Variants in NHSL1 observed in about 807,000 individuals in gnomAD.
The protein encoded by NHSL1 is NHS-like protein 1.
A neutral mutation model predicts 95.0 loss-of-function variants in NHSL1; 48 were observed. That is an observed-to-expected ratio of 0.51 (90% CI 0.40 to 0.64). The LOEUF (loss-of-function observed/expected upper bound fraction) is 0.64, where lower values mean the gene tolerates loss of function less well. Ranked by LOEUF, NHSL1 falls within the 30% of genes least tolerant of loss-of-function variation. The probability of loss-of-function intolerance (pLI) is 0.00; values close to 1 mark genes in which losing one functional copy is unlikely to be tolerated. For missense variants in NHSL1, 1,971 were observed against 2,077.7 expected, an observed-to-expected ratio of 0.95 and a Z score of 1.00; for synonymous variants, 783 against 833.9, an observed-to-expected ratio of 0.94 and a Z score of 1.05.
intron 1 of NHSL1, among the ~76,000 whole-genome samples, chr6:138,581,411 C>T (rs1017294703): frequency 2.6e-5 from 4 of 152,036 alleles, no homozygotes; most frequent in African/African-American, 9.7e-5. Flanking sequence ...TTTTCACAGG[C>T]CTGAGCGCGG....
At chr6:138,686,082 A>G (rs539457862) in intron 1 of NHSL1, among the ~76,000 whole-genome samples, 5 of 152,346 alleles carry the variant, frequency 3.3e-5, no homozygotes, top group African/African-American at 1.2e-4. Flanking sequence ...GTTAAGAGGA[A>G]TAAGTTCAAG....
Position 138,480,513 on chromosome 6 carries a change from C to T in NHSL1, c.212-7080G>A, listed in dbSNP as rs12662028. ...TTCGGTAGGCCAGTTGTCATTTTTC[C>T]GGTCATGGGTAGTGTTGACGTGTAT... On this transcript the variant is annotated intron_variant, in intron 2 of 7. Coordinates refer to ENST00000343505, the MANE Select transcript of NHSL1 (RefSeq NM_001144060.2). Among the ~76,000 whole-genome samples, 294 of 152,200 alleles carry T rather than the reference C, an allele frequency of 1.9e-3. 1 individual carries two copies. The highest frequency in any genetic ancestry group is 2.8e-3 in the Non-Finnish European group (192 of 67,992).
At chr6:138,533,876 A>T (rs562924342) in intron 1 of NHSL1, among the ~76,000 whole-genome samples, 13 of 152,342 alleles carry the variant, frequency 8.5e-5, no homozygotes, top group Admixed American at 7.2e-4. Flanking sequence ...CCAAGAAGCT[A>T]CATGGGATGC....
intron 1 of NHSL1, among the ~76,000 whole-genome samples, chr6:138,674,205 T>C (rs1785417809): frequency 2.0e-5 from 3 of 152,236 alleles, no homozygotes; most frequent in Admixed American, 2.0e-4. Context: ...CCTTTTAATT[T>C]ACTGAGAGTT....
At chr6:138,471,439 T>C (rs938548049) in intron 3 of NHSL1, among the ~76,000 whole-genome samples, 1 of 152,108 alleles carries the variant, frequency 6.6e-6, no homozygotes, top group Non-Finnish European at 1.5e-5. Context: ...AAGAGAAAAA[T>C]AAAAATTTTC....
At chr6:138,667,691 A>G (rs1785312822) in intron 1 of NHSL1, among the ~76,000 whole-genome samples, 3 of 152,234 alleles carry the variant, frequency 2.0e-5, no homozygotes, top group African/African-American at 7.2e-5. Flanking sequence ...TAACAAAAAG[A>G]ATTTCAGACT....
intron 1 of NHSL1, 103 bp from the exon 2 acceptor site, chr6:138,496,474 C>T: frequency 8.7e-7 from 1 of 1,155,468 alleles, no homozygotes; most frequent in African/African-American, 1.5e-5. Flanking sequence ...CGGGTAAGGG[C>T]CAGCAAGGGA....
chr6:138,622,857 G>A (rs888093987), intron 1 of NHSL1, among the ~76,000 whole-genome samples: 9 of 152,194 alleles, frequency 5.9e-5, no homozygotes, highest in African/African-American at 2.2e-4. Flanking sequence ...ATTTTAGTGT[G>A]GGAGAGGCAC....
At chr6:138,578,027 G>T (rs568148002) in intron 1 of NHSL1, among the ~76,000 whole-genome samples, 2 of 152,122 alleles carry the variant, frequency 1.3e-5, no homozygotes, top group Non-Finnish European at 2.9e-5. Flanking sequence ...AATCAGCGCC[G>T]GCCCCGTTTT....
At chr6:138,516,068 G>A (rs1409687702) in intron 1 of NHSL1, among the ~76,000 whole-genome samples, 1 of 152,228 alleles carries the variant, frequency 6.6e-6, no homozygotes, top group Admixed American at 6.5e-5. Flanking sequence ...CAAAGCAGAT[G>A]CACATGACTG....
intron 1 of NHSL1, among the ~76,000 whole-genome samples, chr6:138,684,233 T>C (rs1335183965): frequency 6.7e-6 from 1 of 149,462 alleles, no homozygotes; most frequent in African/African-American, 2.5e-5. Context: ...AAAAAATCCC[T>C]GCAAAGACAG....
At chr6:138,578,888 T>A (rs1432639508) in intron 1 of NHSL1, among the ~76,000 whole-genome samples, 1 of 152,190 alleles carries the variant, frequency 6.6e-6, no homozygotes, top group Non-Finnish European at 1.5e-5. Flanking sequence ...AGGAAGCTCA[T>A]CTGTCATCTT....
intron 1 of NHSL1, among the ~76,000 whole-genome samples, chr6:138,655,794 T>G (rs923978849): frequency 6.6e-6 from 1 of 152,184 alleles, no homozygotes; most frequent in African/African-American, 2.4e-5. Flanking sequence ...AAGCATAACA[T>G]GGCATATACT....
intron 3 of NHSL1, among the ~76,000 whole-genome samples, chr6:138,457,433 C>T (rs1777688378): frequency 6.6e-6 from 1 of 152,048 alleles, no homozygotes; most frequent in Non-Finnish European, 1.5e-5. Context: ...TATTCTAGAA[C>T]AATTAGCCAG....
At chr6:138,664,760 C>T (rs912131437) in intron 1 of NHSL1, among the ~76,000 whole-genome samples, 1 of 152,198 alleles carries the variant, frequency 6.6e-6, no homozygotes, top group Non-Finnish European at 1.5e-5. Flanking sequence ...TTGGCTCATG[C>T]AATTGTCGGA....
At chr6:138,452,859 TG>T (rs1368324622) in intron 3 of NHSL1, among the ~76,000 whole-genome samples, 2 of 151,706 alleles carry the variant, frequency 1.3e-5, no homozygotes, top group Non-Finnish European at 2.9e-5. Flanking sequence ...ACAGAAAAAG[TG>T]GGGGTAGTGG....
intron 5 of NHSL1, among the ~76,000 whole-genome samples, chr6:138,437,311 T>C (rs1298656536): frequency 7.4e-5 from 9 of 122,030 alleles, no homozygotes; most frequent in East Asian, 2.2e-4. Flanking sequence ...TATATATATA[T>C]ATATATATAC....
intron 7 of NHSL1, among the ~76,000 whole-genome samples, chr6:138,425,047 C>T (rs539094436): frequency 2.3e-4 from 35 of 151,936 alleles, no homozygotes; most frequent in African/African-American, 8.0e-4. Flanking sequence ...CTGGGCAACA[C>T]AGTAAGACCT....
At chr6:138,680,168 G>A (rs143808331) in intron 1 of NHSL1, among the ~76,000 whole-genome samples, 1,937 of 152,212 alleles carry the variant, frequency 0.013, 36 homozygotes, top group African/African-American at 0.044. Flanking sequence ...ATGTGTCTGA[G>A]TCTATACTTA....
Sources: gnomAD v4.1 joint callset for allele counts (sites outside exome capture counted in the v4.1 genomes callset) on GRCh38, gnomAD v4.1.1 for gene constraint, MANE v1.5 for transcripts, NCBI Gene and HGNC (gene_info 2026-07-23, HGNC 2026-07-21) for gene names.